Variants in UVSSA observed in about 807,000 individuals in gnomAD.
UVSSA encodes the protein UV-stimulated scaffold protein A.
UVSSA carries 72 observed loss-of-function variants against 73.9 expected under a neutral mutation model. That is an observed-to-expected ratio of 0.97 (90% CI 0.81 to 1.19). The LOEUF (loss-of-function observed/expected upper bound fraction) is 1.19. Ranked by LOEUF, UVSSA falls within the 50% of genes most tolerant of loss-of-function variation. The pLI is 0.00. For synonymous variants in UVSSA, 454 were observed against 391.3 expected (o/e 1.16, Z -1.89); for missense variants, 1,150 against 965.0 (o/e 1.19, Z -2.54).
At position 1,373,555 on chromosome 4, in the gene UVSSA, G is replaced by A. The variant is rs889423762; in HGVS notation, c.1289-1809G>A. On this transcript the variant is annotated intron_variant, in intron 8 of 13. Transcript: ENST00000389851. ...TGATCCTCAGTGCTCTGTGTTAACC[G>A]TCTCGGGCCATGGTGTTCTTAGGTT... 5.9e-5 allele frequency among the ~76,000 whole-genome samples: 9 copies of A among 152,232 alleles called. 1 individual carries two copies. Among genetic ancestry groups the A allele is most frequent in the Middle Eastern group, 6.8e-3 (2 of 294 alleles).
In UVSSA at chr4:1,380,982, C is replaced by T. The variant is rs773440709; in HGVS notation, c.1855C>T (p.Arg619Cys). ...GCGGCGGCAGCTGCAGAAGCAGGAGCGCCCGGGTAGGTCTGGGCAAGGCGG... is the reference window on the plus strand; with the variant it reads ...GCGGCGGCAGCTGCAGAAGCAGGAGTGCCCGGGTAGGTCTGGGCAAGGCGG... ...EQRRQLQKQE[R>C]PEWQDPELMR... The change falls in exon 12 of 14, where the codon CGC becomes TGC. Residue 619 changes from arginine to cysteine, a missense_variant. Physicochemically the swap from Arg to Cys is radical, Grantham distance 180. Transcript: ENST00000389851. The T allele has an allele frequency of 1.4e-5, 23 of 1,611,984 alleles. No homozygotes were observed. The highest frequency in any genetic ancestry group is 8.9e-5 in the East Asian group (4 of 44,866).
chr4:1,388,355 T>C (rs1720302007), downstream of UVSSA: 1 of 152,256 alleles, frequency 6.6e-6, no homozygotes, highest in Non-Finnish European at 1.5e-5. Context: ...CTTGCTGAAC[T>C]TGTTTATTCA....
chr4:1,373,747 C>T (rs931151421), intron 8 of UVSSA, among the ~76,000 whole-genome samples: 1 of 152,166 alleles, frequency 6.6e-6, no homozygotes. Flanking sequence ...GACACCTGCG[C>T]GTCCCCCACA....
rs1553888235 is a variant in UVSSA at position 1,386,717 on chromosome 4, G to GTC, written c.*757_*758insCT. ...TGATTTATCTTGAGTTGTAACAGTTGTTTTTTTTGTTTTTCCTTTTAGAGA... is the reference window on the plus strand; with the variant it reads ...TGATTTATCTTGAGTTGTAACAGTTGTCTTTTTTTTGTTTTTCCTTTTAGAGA... On this transcript the variant is annotated 3_prime_UTR_variant, in exon 14 of 14. Coordinates refer to ENST00000389851, the MANE Select transcript of UVSSA (RefSeq NM_020894.4). 6.6e-6 allele frequency: 1 copy of GTC among 151,510 alleles called. No homozygotes were observed. Among genetic ancestry groups the GTC allele is most frequent in the East Asian group, 1.9e-4 (1 of 5,156 alleles). 9.4% of individuals were successfully genotyped at this position (151,510 alleles called of 1,614,324 possible).
At position 1,380,074 on chromosome 4, in the gene UVSSA, G is replaced by A; in HGVS notation, c.1596G>A (p.Lys532=). ...CTGACTCCCAGCACCGCTTCTGGAAGCCCAGCGAGGTGGAGGAGGAAGTGG... is the reference window on the plus strand; with the variant it reads ...CTGACTCCCAGCACCGCTTCTGGAAACCCAGCGAGGTGGAGGAGGAAGTGG... ...VKSDSQHRFW[K]PSEVEEEVVN... Residue 532 remains lysine, a synonymous_variant, in exon 11 of 14, where the codon AAG becomes AAA. Transcript: ENST00000389851. 6.2e-7 allele frequency: 1 copy of A among 1,610,698 alleles called. No homozygotes were observed.
intron 7 of UVSSA, among the ~76,000 whole-genome samples, chr4:1,361,060 G>A (rs989364971): frequency 3.3e-5 from 5 of 152,208 alleles, no homozygotes; most frequent in African/African-American, 4.8e-5. Flanking sequence ...AGGACCCCCG[G>A]CCCGCATCTG....
rs372683434 is a variant in UVSSA, at chr4:1,355,159, G to A, written c.1090G>A (p.Ala364Thr). 11 of 1,613,790 alleles carry A rather than the reference G, an allele frequency of 6.8e-6. No homozygotes were observed. The highest frequency in any genetic ancestry group is 9.3e-6 in the Non-Finnish European group (11 of 1,179,934). ...VGTHGGCLKR[A>T]IDLKAELELV... is the part of the protein sequence containing the mutation. ...GACCCACGGTGGATGTTTAAAGCGTGCCATTGACCTGAAGGCTGAATTGGA... is the reference window on the plus strand; with the variant it reads ...GACCCACGGTGGATGTTTAAAGCGTACCATTGACCTGAAGGCTGAATTGGA... Residue 364 changes from alanine to threonine, a missense_variant, in exon 7 of 14, where the codon GCC becomes ACC. By Grantham distance (58) the Ala-to-Thr change is moderately conservative. Coordinates refer to ENST00000389851, the MANE Select transcript of UVSSA (RefSeq NM_020894.4).
chr4:1,346,579 G>A (rs1169610173), upstream of UVSSA, among the ~76,000 whole-genome samples: 1 of 152,108 alleles, frequency 6.6e-6, no homozygotes, highest in East Asian at 1.9e-4. Flanking sequence ...GGTGGGCCCC[G>A]AAGACCCCCA....
rs532800720 is a variant in UVSSA at position 1,349,096 on chromosome 4, G to T, written c.99-428G>T. ...GGGCGGTGGGCGTTTGTGCCGGGCG[G>T]TGTGTGTTGCGCTAGGTAACGTGTG... On this transcript the variant is annotated intron_variant, in intron 2 of 13. Coordinates refer to ENST00000389851, the MANE Select transcript of UVSSA (RefSeq NM_020894.4). Among the ~76,000 whole-genome samples, 25 of 152,314 alleles carry T rather than the reference G, an allele frequency of 1.6e-4. No homozygotes were observed. The South Asian group carries it at 5.2e-3, about 32-fold the overall frequency.
chr4:1,388,499 T>G (rs1437828798), downstream of UVSSA: 1 of 152,240 alleles, frequency 6.6e-6, no homozygotes, highest in Non-Finnish European at 1.5e-5. Context: ...AGGACAATGT[T>G]GAATAGATGT....
intron 9 of UVSSA, 61 bp downstream of exon 9, chr4:1,375,569 G>T: frequency 6.4e-7 from 1 of 1,571,554 alleles, no homozygotes; most frequent in East Asian, 2.2e-5. Context: ...CCTCTGCCCA[G>T]AGCACTGGCC....
Position 1,387,847 on chromosome 4 carries a change from G to T in UVSSA, c.*1886G>T, listed in dbSNP as rs1720257426. 1 of 151,654 alleles carries T rather than the reference G, an allele frequency of 6.6e-6. No individual in the cohort carries two copies. The highest frequency in any genetic ancestry group is 1.5e-5 in the Non-Finnish European group (1 of 68,004). 9.4% of individuals were successfully genotyped at this position (151,654 alleles called of 1,614,324 possible). A position where few individuals can be genotyped will look rare whatever the true frequency, so the allele number is the denominator to read the frequency against. On this transcript the variant is annotated 3_prime_UTR_variant, in exon 14 of 14. Transcript: ENST00000389851. ...GTGCCTTGATCAGTGCTGCTTTGTT[G>T]TGAGAAGTTTTACTTTGTTCTGCTT... is the stretch of plus-strand genomic sequence containing the variant.
At chr4:1,376,437 C>T (rs908601913) in intron 10 of UVSSA, among the ~76,000 whole-genome samples, 1 of 152,174 alleles carries the variant, frequency 6.6e-6, no homozygotes, top group Non-Finnish European at 1.5e-5. Flanking sequence ...CTTGTGGGAA[C>T]AGCTGGACGA....
rs754695626 is a variant in UVSSA, at chr4:1,354,733, A to C, written c.935-2A>C. ...TTGTGACCTCTGTGTGCTTCTCCCC[A>C]GAGGGCCTGAAGGTGCAGGAGAACG... On this transcript the variant is annotated splice_acceptor_variant, in intron 5 of 13. Transcript: ENST00000389851. LOFTEE classifies it high-confidence loss of function. 9 of 1,612,808 alleles carry C rather than the reference A, an allele frequency of 5.6e-6. No homozygotes were observed. The highest frequency in any genetic ancestry group is 7.6e-6 in the Non-Finnish European group (9 of 1,179,616).
At chr4:1,353,579 TG>T (rs1409863248) in intron 5 of UVSSA, among the ~76,000 whole-genome samples, 166 bp downstream of exon 5, 3 of 152,156 alleles carry the variant, frequency 2.0e-5, no homozygotes, top group Non-Finnish European at 4.4e-5. Context: ...GCCTCTGCAC[TG>T]GGCTCCCCCC....
intron 5 of UVSSA, 23 bp downstream of exon 5, chr4:1,353,436 T>C: frequency 6.9e-7 from 1 of 1,458,720 alleles, no homozygotes; most frequent in South Asian, 1.4e-5. Flanking sequence ...GCGGGGTCTC[T>C]GTGGCGCCAC....
At chr4:1,385,617 G>C (rs946493151) in intron 13 of UVSSA, 2 of 540,146 alleles carry the variant, frequency 3.7e-6, no homozygotes, top group African/African-American at 1.9e-5. Context: ...CACCTTCACC[G>C]CGCAGAACCA....
chr4:1,391,618 GATT>G (rs1164675449), downstream of UVSSA: 4 of 151,854 alleles, frequency 2.6e-5, no homozygotes, highest in Non-Finnish European at 4.4e-5. Flanking sequence ...GCTCTTTTTT[GATT>G]ATTGTTTGCA....
Position 1,355,136 on chromosome 4 carries a change from C to G in UVSSA, c.1067C>G (p.Thr356Ser). Residue 356 changes from threonine to serine, a missense_variant, in exon 7 of 14, where the codon ACC (threonine) becomes AGC (serine). Transcript: ENST00000389851. ...SWIQRFTRVG[T>S]HGGCLKRAID... Reference sequence around the variant, plus strand: ...TCGCAGCGCTTCACCCGCGTCGGGACCCACGGTGGATGTTTAAAGCGTGCC... The same window carrying G: ...TCGCAGCGCTTCACCCGCGTCGGGAGCCACGGTGGATGTTTAAAGCGTGCC... 1 of 1,613,726 alleles carries G rather than the reference C, an allele frequency of 6.2e-7. No homozygotes were observed. The highest frequency in any genetic ancestry group is 1.1e-5 in the South Asian group (1 of 91,070).
Sources: allele counts gnomAD v4.1 joint callset (sites outside exome capture counted in the v4.1 genomes callset), GRCh38; gene constraint gnomAD v4.1.1; transcripts MANE v1.5; gene names NCBI Gene and HGNC (gene_info 2026-07-23, HGNC 2026-07-21).